The following APMAP variants were observed in gnomAD, a reference collection of about 807,000 sequenced individuals.
The protein encoded by APMAP is adipocyte plasma membrane-associated protein.
Under a neutral mutation model 43.6 loss-of-function variants are expected in APMAP, and 33 were observed. The ratio of observed to expected loss-of-function variants is 0.76; its 90% confidence interval spans 0.57 to 1.01. The LOEUF (loss-of-function observed/expected upper bound fraction) is 1.01. APMAP is among the 50% of genes least tolerant of loss of function. The pLI is 0.00. For synonymous variants in APMAP, 224 were observed against 216.7 expected, an observed-to-expected ratio of 1.03 and a Z score of -0.30; for missense variants, 498 against 540.7, an observed-to-expected ratio of 0.92 and a Z score of 0.78.
At chr20:24,980,880 G>A (rs1437626026) in intron 2 of APMAP, among the ~76,000 whole-genome samples, 5 of 152,140 alleles carry the variant, frequency 3.3e-5, no homozygotes, top group African/African-American at 9.7e-5. Context: ...ACCTCTACAC[G>A]CCAGGCAGCG....
intron 2 of APMAP, among the ~76,000 whole-genome samples, chr20:24,980,435 G>A (rs571520249): frequency 1.3e-4 from 20 of 149,308 alleles, no homozygotes; most frequent in African/African-American, 3.7e-4. Flanking sequence ...GCTCGGCCTC[G>A]GTCACCTCAA....
At position 24,969,524 on chromosome 20, in the gene APMAP, A is replaced by G. The variant is rs1339550192; in HGVS notation, c.848+2T>C. ...TGATGGCTCAGCTAATCCCACACAC[A>G]CCTTCGTATCCTGGCCATGGTTGTT... On this transcript the variant is annotated splice_donor_variant, in intron 7 of 8. Transcript: ENST00000217456. LOFTEE classifies it high-confidence loss of function. 6.2e-7 allele frequency: 1 copy of G among 1,606,330 alleles called. No individual in the cohort carries two copies. Among genetic ancestry groups the G allele is most frequent in the Non-Finnish European group, 8.5e-7 (1 of 1,174,364 alleles).
At chr20:24,991,860 T>C (rs1295692217) in intron 1 of APMAP, among the ~76,000 whole-genome samples, 1 of 152,226 alleles carries the variant, frequency 6.6e-6, no homozygotes. Flanking sequence ...CACAGCATTC[T>C]TATATTCTGA....
intron 3 of APMAP, among the ~76,000 whole-genome samples, chr20:24,974,560 T>C (rs551523703): frequency 6.6e-6 from 1 of 152,144 alleles, no homozygotes; most frequent in Non-Finnish European, 1.5e-5. Context: ...TTGCCAGAAT[T>C]ATTCAAAAAA....
At chr20:24,981,530 GGGTCTCCTGTT>G (rs1483180776) in intron 2 of APMAP, among the ~76,000 whole-genome samples, 6 of 152,186 alleles carry the variant, frequency 3.9e-5, no homozygotes, top group Admixed American at 2.0e-4. Context: ...CCTCCCCAGC[GGGTCTCCTGTT>G]GGCCCTGCCT....
intron 1 of APMAP, among the ~76,000 whole-genome samples, chr20:24,986,219 C>T (rs549130415): frequency 1.3e-5 from 2 of 152,288 alleles, no homozygotes; most frequent in African/African-American, 4.8e-5. Context: ...TGAATTTTGT[C>T]CCTAACTTCC....
chr20:24,984,801 A>T (rs2088133929), intron 1 of APMAP, among the ~76,000 whole-genome samples: 2 of 152,234 alleles, frequency 1.3e-5, no homozygotes, highest in Non-Finnish European at 2.9e-5. Flanking sequence ...CATCTGGCAA[A>T]CAAGTGAAAG....
intron 7 of APMAP, 145 bp from the exon 8 acceptor site, chr20:24,969,229 GAAGAAA>G: frequency 1.0e-6 from 1 of 966,532 alleles, no homozygotes; most frequent in Non-Finnish European, 1.5e-6. Flanking sequence ...CAGCTGCTGA[GAAGAAA>G]CCTTTGTGCA....
At position 24,983,942 on chromosome 20, in the gene APMAP, A is replaced by G. The variant is rs774852463; in HGVS notation, c.173T>C (p.Met58Thr). The G allele has an allele frequency of 2.5e-5, 41 of 1,613,878 alleles. No homozygotes were observed. The highest frequency in any genetic ancestry group is 6.8e-6 in the Non-Finnish European group (8 of 1,179,926). Residue 58 changes from methionine (M) to threonine (T), a missense_variant, in exon 2 of 9, where the codon ATG (methionine) becomes ACG (threonine). Transcript: ENST00000217456. ...ATCTATAGGAGATTCCAGCAGCATCATGGCTCCAAGCAGGGGAACGGTGAG... is the reference window on the plus strand; with the variant it reads ...ATCTATAGGAGATTCCAGCAGCATCGTGGCTCCAAGCAGGGGAACGGTGAG... ...VSLTVPLLGAMMLLESPIDPQ... is the reference protein window; with the variant it reads ...VSLTVPLLGATMLLESPIDPQ...
chr20:24,966,125 G>A (rs1420775330), intron 8 of APMAP, among the ~76,000 whole-genome samples: 1 of 152,176 alleles, frequency 6.6e-6, no homozygotes, highest in African/African-American at 2.4e-5. Context: ...TGGGAGAAAT[G>A]GCCGATTGCA....
intron 4 of APMAP, 92 bp from the exon 5 acceptor site, chr20:24,971,668 T>C (rs1454786654): frequency 2.9e-6 from 3 of 1,028,672 alleles, no homozygotes; most frequent in African/African-American, 1.6e-5. Flanking sequence ...TCCCTTCCCA[T>C]ACATCATGCT....
In APMAP at chr20:24,984,098, G is replaced by A. The variant is rs1009757124; in HGVS notation, c.96-79C>T. ...GGTTGGCTGGTCCGAAAGCCCTCCCGGCAGGAGCAGGGACGCTCATCCAGT... is the reference window on the plus strand; with the variant it reads ...GGTTGGCTGGTCCGAAAGCCCTCCCAGCAGGAGCAGGGACGCTCATCCAGT... On this transcript the variant is annotated intron_variant, in intron 1 of 8. Transcript: ENST00000217456. 2.0e-5 allele frequency: 22 copies of A among 1,117,820 alleles called. No individual in the cohort carries two copies. The South Asian group carries it at 2.1e-4, about 11-fold the overall frequency. 69.2% of individuals were successfully genotyped at this position (1,117,820 alleles called of 1,614,324 possible). A position where few individuals can be genotyped will look rare whatever the true frequency, so the allele number is the denominator to read the frequency against.
chr20:24,966,925 G>C (rs945393641), intron 8 of APMAP, among the ~76,000 whole-genome samples: 2 of 152,092 alleles, frequency 1.3e-5, no homozygotes, highest in African/African-American at 4.8e-5. Context: ...CGCTAACTCG[G>C]AAACAGTGCT....
chr20:24,978,995 C>T, intron 2 of APMAP, 113 bp from the exon 3 acceptor site: 1 of 779,944 alleles, frequency 1.3e-6, no homozygotes, highest in South Asian at 1.6e-5. Flanking sequence ...TAACAACATC[C>T]TCAGTTGCCA....
chr20:24,968,946 A>G lies in APMAP; in HGVS notation c.987T>C (p.Phe329=). 6.2e-7 allele frequency: 1 copy of G among 1,612,696 alleles called. No homozygotes were observed. The highest frequency in any genetic ancestry group is 8.5e-7 in the Non-Finnish European group (1 of 1,179,442). ...GMSTIRPNPG[F]SMLDFLSERP... is the part of the protein sequence containing the mutation. ...TCTCAGATAAGAAATCCAGCATGGAAAACCCAGGGTTAGGGCGGATGGTCG... is the reference window on the plus strand; with the variant it reads ...TCTCAGATAAGAAATCCAGCATGGAGAACCCAGGGTTAGGGCGGATGGTCG... Residue 329 remains phenylalanine, a synonymous_variant, in exon 8 of 9, where the codon TTT becomes TTC. Transcript: ENST00000217456.
intron 2 of APMAP, among the ~76,000 whole-genome samples, chr20:24,980,645 C>T (rs1314192973): frequency 6.9e-6 from 1 of 145,236 alleles, no homozygotes; most frequent in Non-Finnish European, 1.5e-5. Flanking sequence ...GCCATGCTAC[C>T]ATGACAAAAG....
chr20:24,988,027 G>A (rs1156664211), intron 1 of APMAP, among the ~76,000 whole-genome samples: 3 of 152,192 alleles, frequency 2.0e-5, no homozygotes, highest in African/African-American at 4.8e-5. Flanking sequence ...GTGAAGATGT[G>A]TGGCTGCCAG....
intron 1 of APMAP, among the ~76,000 whole-genome samples, chr20:24,987,515 G>A (rs1016453952): frequency 7.9e-5 from 12 of 152,154 alleles, no homozygotes; most frequent in African/African-American, 2.4e-4. Context: ...CTTTTATGGG[G>A]TGATGAAACA....
intron 1 of APMAP, among the ~76,000 whole-genome samples, chr20:24,990,034 G>A (rs1339564963): frequency 1.3e-5 from 2 of 152,132 alleles, no homozygotes; most frequent in Non-Finnish European, 2.9e-5. Context: ...GTCACATATG[G>A]ACATTAAACA....
Sources: gnomAD v4.1 joint callset for allele counts (sites outside exome capture counted in the v4.1 genomes callset) on GRCh38, gnomAD v4.1.1 for gene constraint, MANE v1.5 for transcripts, NCBI Gene and HGNC (gene_info 2026-07-23, HGNC 2026-07-21) for gene names.